HEMGN: variants seen among roughly 807,000 people sequenced by gnomAD.
The protein encoded by HEMGN is erythroid differentiation-associated gene protein.
Under a neutral mutation model 45.7 loss-of-function variants are expected in HEMGN, and 32 were observed. That is an observed-to-expected ratio of 0.70 (90% CI 0.53 to 0.94). HEMGN has a LOEUF of 0.94. Among genes scored for constraint, HEMGN ranks in the 40% least tolerant of loss-of-function variants. HEMGN has a pLI of 0.00. For synonymous variants in HEMGN, 183 were observed against 178.6 expected, an observed-to-expected ratio of 1.02 and a Z score of -0.20; for missense variants, 530 against 564.2, an observed-to-expected ratio of 0.94 and a Z score of 0.61.
chr9:97,930,699 C>T lies in HEMGN; in HGVS notation c.696G>A (p.Met232Ile), dbSNP rs1211493306. 6.2e-7 allele frequency: 1 copy of T among 1,614,168 alleles called. No homozygotes were observed. The highest frequency in any genetic ancestry group is 1.1e-5 in the South Asian group (1 of 91,082). Residue 232 changes from methionine to isoleucine, a missense_variant, in exon 3 of 4, where the codon ATG becomes ATA. Met to Ile is a conservative substitution (Grantham distance 10). Transcript: ENST00000616898. Reference protein sequence around the residue: ...MAKREDLAPKMCQEAAVPKIL... With the variant: ...MAKREDLAPKICQEAAVPKIL... The stretch of plus-strand genomic sequence containing the variant: ...TTTTGGGTACAGCAGCTTCTTGGCA[C>T]ATTTTAGGAGCCAGATCTTCTCGTT...
Position 97,930,437 on chromosome 9 carries a change from C to T in HEMGN, c.958G>A (p.Glu320Lys). 6.2e-7 allele frequency: 1 copy of T among 1,614,118 alleles called. No individual in the cohort carries two copies. Among genetic ancestry groups the T allele is most frequent in the Non-Finnish European group, 8.5e-7 (1 of 1,180,016 alleles). ...LSTKTHQESA[E>K]PKYLPHKTCN... Reference sequence around the variant, plus strand: ...GTTTTATGAGGAAGGTATTTAGGTTCAGCTGATTCTTGGTGTGTTTTTGTA... The same window carrying T: ...GTTTTATGAGGAAGGTATTTAGGTTTAGCTGATTCTTGGTGTGTTTTTGTA... The change falls in exon 3 of 4, where the codon GAA becomes AAA. Residue 320 changes from glutamate (E) to lysine (K), a missense_variant. By Grantham distance (56) the Glu-to-Lys change is moderately conservative. Transcript: ENST00000616898.
Position 97,938,127 on chromosome 9 carries a change from C to G in HEMGN, c.10G>C (p.Gly4Arg), listed in dbSNP as rs202223659. The change falls in exon 1 of 4, where the codon GGA becomes CGA. Residue 4 changes from glycine to arginine, a missense_variant. By Grantham distance (125) the Gly-to-Arg change is moderately radical. Transcript: ENST00000616898. MDL[G>R]KDQSHLKHHQ... ...TGCTTCAAATGAGATTGGTCCTTTCCCAAATCCATCTTGCTGCAATACCTT... is the reference window on the plus strand; with the variant it reads ...TGCTTCAAATGAGATTGGTCCTTTCGCAAATCCATCTTGCTGCAATACCTT... 1.2e-6 allele frequency: 2 copies of G among 1,611,174 alleles called. No homozygotes were observed. Among genetic ancestry groups the G allele is most frequent in the Non-Finnish European group, 1.7e-6 (2 of 1,178,050 alleles).
At position 97,930,224 on chromosome 9, in the gene HEMGN, G is replaced by C. The variant is rs1826916173; in HGVS notation, c.1171C>G (p.Leu391Val). ...TATATTTCAGGTGAATATTCTTCAA[G>C]CTGGGATGTTTCTTGGTATATTTCA... ...SPEIYQETSQ[L>V]EEYSPEIYQE... Residue 391 changes from leucine (L) to valine (V), a missense_variant, in exon 3 of 4, where the codon CTT becomes GTT. Transcript: ENST00000616898. The C allele has an allele frequency of 6.2e-7, 1 of 1,614,076 alleles. No homozygotes were observed. Among genetic ancestry groups the C allele is most frequent in the Non-Finnish European group, 8.5e-7 (1 of 1,180,010 alleles).
chr9:97,944,480 G>C (rs1323633683), intron 1 of HEMGN, among the ~76,000 whole-genome samples: 1 of 152,070 alleles, frequency 6.6e-6, no homozygotes, highest in East Asian at 1.9e-4. Context: ...CCATCCCAGA[G>C]AGGGGCCTCA....
upstream of HEMGN, among the ~76,000 whole-genome samples, chr9:97,940,310 T>C (rs988722631): frequency 1.3e-5 from 2 of 152,204 alleles, no homozygotes; most frequent in African/African-American, 4.8e-5. Context: ...ATAGATTCTT[T>C]ATATCCTGCT....
At chr9:97,931,294 A>G in intron 2 of HEMGN, 73 bp from the exon 3 acceptor site, 1 of 1,168,228 alleles carries the variant, frequency 8.6e-7, no homozygotes, top group South Asian at 1.5e-5. Flanking sequence ...TAACAGTGCC[A>G]GGTCCCCCAC....
Position 97,931,164 on chromosome 9 carries a change from C to G in HEMGN, c.231G>C (p.Lys77Asn), listed in dbSNP as rs1422715922. 11 of 1,612,252 alleles carry G rather than the reference C, an allele frequency of 6.8e-6. No homozygotes were observed. Among genetic ancestry groups the G allele is most frequent in the African/African-American group, 4.0e-5 (3 of 74,664 alleles). ...RTGKGNRRGR[K>N]RQQNTELKVE... ...CCTTCAATTCTGTGTTTTGTTGTCT[C>G]TTTCTGCCTCTTCGATTTCCTTTTC... The change falls in exon 3 of 4, where the codon AAG becomes AAC. Residue 77 changes from lysine to asparagine, a missense_variant. Lys to Asn is a moderately conservative substitution (Grantham distance 94). Coordinates refer to ENST00000616898, the MANE Select transcript of HEMGN (RefSeq NM_197978.3).
Position 97,936,235 on chromosome 9 carries a change from T to C in HEMGN, c.109A>G (p.Arg37Gly), listed in dbSNP as rs759663815. Reference sequence around the variant, plus strand: ...GCTTTTCTTTTTCTAAGTAGTTCTCTGTTTCTCAAACTCCAGGTTCCAATG... The same window carrying C: ...GCTTTTCTTTTTCTAAGTAGTTCTCCGTTTCTCAAACTCCAGGTTCCAATG... ...EVIGTWSLRNRELLRKRKAEV... is the reference protein window; with the variant it reads ...EVIGTWSLRNGELLRKRKAEV... The change falls in exon 2 of 4, where the codon AGA (arginine) becomes GGA (glycine). Residue 37 changes from arginine (R) to glycine (G), a missense_variant. Arg to Gly is a moderately radical substitution (Grantham distance 125). Transcript: ENST00000616898. 6.2e-7 allele frequency: 1 copy of C among 1,612,318 alleles called. No homozygotes were observed. The highest frequency in any genetic ancestry group is 1.7e-5 in the Admixed American group (1 of 60,016).
At chr9:97,936,333 C>A (rs1211599198) in intron 1 of HEMGN, 69 bp from the exon 2 acceptor site, 4 of 1,030,472 alleles carry the variant, frequency 3.9e-6, no homozygotes, top group Middle Eastern at 2.0e-4. Context: ...GTCCTGTAGC[C>A]AAGTGGCAGA....
chr9:97,927,629 AAT>A, intron 3 of HEMGN, 151 bp from the exon 4 acceptor site: 1 of 553,926 alleles, frequency 1.8e-6, no homozygotes, highest in African/African-American at 1.9e-5. Context: ...TTATAGAAAT[AAT>A]AGTGTTTTTA....
upstream of HEMGN, chr9:97,938,488 C>T (rs1302814813): frequency 1.7e-5 from 3 of 179,226 alleles, no homozygotes; most frequent in Non-Finnish European, 3.5e-5. Context: ...ATCCGATGTT[C>T]CTTTTTACAG....
chr9:97,943,715 A>C (rs1827183531), intron 1 of HEMGN, among the ~76,000 whole-genome samples: 1 of 152,080 alleles, frequency 6.6e-6, no homozygotes, highest in African/African-American at 2.4e-5. Flanking sequence ...TTCATTTCTG[A>C]ACTTCTTGAA....
At chr9:97,939,769 T>G (rs995525732), upstream of HEMGN, among the ~76,000 whole-genome samples, 1 of 152,214 alleles carries the variant, frequency 6.6e-6, no homozygotes, top group African/African-American at 2.4e-5. Flanking sequence ...CACTAAAATT[T>G]AACTTGGTTT....
upstream of HEMGN, among the ~76,000 whole-genome samples, chr9:97,942,304 A>G (rs1367417898): frequency 7.8e-6 from 1 of 128,414 alleles, no homozygotes. Context: ...TGTTTTTGAG[A>G]TGGGGTCTCA....
At chr9:97,933,454 A>G (rs564133285) in intron 2 of HEMGN, among the ~76,000 whole-genome samples, 1 of 152,222 alleles carries the variant, frequency 6.6e-6, no homozygotes, top group African/African-American at 2.4e-5. Context: ...TGTATTTGAT[A>G]ATCAAGCCAT....
At chr9:97,939,268 G>T (rs1827117479), upstream of HEMGN, among the ~76,000 whole-genome samples, 1 of 152,130 alleles carries the variant, frequency 6.6e-6, no homozygotes, top group Non-Finnish European at 1.5e-5. Flanking sequence ...AAAGTTACTG[G>T]GATGATTAAG....
upstream of HEMGN, chr9:97,938,423 A>G (rs1827103193): frequency 6.6e-6 from 2 of 303,052 alleles, no homozygotes; most frequent in Admixed American, 9.8e-5. Context: ...ACAGCCTGGC[A>G]TGGCACAGCC....
chr9:97,935,677 TTACATACAGGTG>T (rs1827044566), intron 2 of HEMGN, among the ~76,000 whole-genome samples: 1 of 152,220 alleles, frequency 6.6e-6, no homozygotes, highest in Admixed American at 6.5e-5. Context: ...CTTCCTGCAT[TTACATACAGGTG>T]AACATACAGG....
rs1827052170 is a variant in HEMGN, at chr9:97,936,064, G to A, written c.173+107C>T. 3.9e-6 allele frequency: 3 copies of A among 771,198 alleles called. No individual in the cohort carries two copies. In the Admixed American group the frequency reaches 6.4e-5, roughly 16 times the overall value. The allele number at this position is 771,198 out of a possible 1,614,324, so 47.8% of individuals were successfully genotyped here. A position where few individuals can be genotyped will look rare whatever the true frequency, so the allele number is the denominator to read the frequency against. ...TAGGGATAACCATGTCTGATTTACA[G>A]GATTGTTGGAAAGATAAAATACAGT... On this transcript the variant is annotated intron_variant, in intron 2 of 3. Transcript: ENST00000616898.
Sources: allele counts gnomAD v4.1 joint callset (sites outside exome capture counted in the v4.1 genomes callset), GRCh38; gene constraint gnomAD v4.1.1; transcripts MANE v1.5; gene names NCBI Gene and HGNC (gene_info 2026-07-23, HGNC 2026-07-21).